SLC14A2: variants seen among roughly 807,000 people sequenced by gnomAD.
SLC14A2 encodes the protein urea transporter 2.
SLC14A2 carries 91 observed loss-of-function variants against 104.6 expected under a neutral mutation model. The observed-to-expected ratio is 0.87, with a 90% CI of 0.73 to 1.04. The LOEUF (loss-of-function observed/expected upper bound fraction) is 1.04, where lower values mean the gene tolerates loss of function less well. Among genes scored for constraint, SLC14A2 ranks in the 50% least tolerant of loss-of-function variants. The pLI is 0.00. For missense variants in SLC14A2, 1,189 were observed against 1,156.0 expected (o/e 1.03, Z -0.41); for synonymous variants, 476 against 466.4 (o/e 1.02, Z -0.27).
At chr18:45,445,275 C>T (rs1349203288) in intron 1 of SLC14A2, among the ~76,000 whole-genome samples, 2 of 151,966 alleles carry the variant, frequency 1.3e-5, no homozygotes, top group Admixed American at 1.3e-4. Context: ...CCATGCCTGG[C>T]TAATTTTTAT....
chr18:45,184,361 A>C, the SLC14A2 span, among the ~76,000 whole-genome samples: 1 of 152,314 alleles, frequency 6.6e-6, no homozygotes, highest in Non-Finnish European at 1.5e-5. Flanking sequence ...CAGTCAAAAT[A>C]CTCTTGCTCT....
intron 2 of SLC14A2, among the ~76,000 whole-genome samples, chr18:45,513,557 A>G (rs936447222): frequency 6.6e-6 from 1 of 152,212 alleles, no homozygotes; most frequent in Non-Finnish European, 1.5e-5. Flanking sequence ...TGTAATCAGA[A>G]GTTGACTATG....
upstream of SLC14A2, among the ~76,000 whole-genome samples, chr18:45,614,299 A>G (rs923736394): frequency 3.9e-5 from 6 of 152,218 alleles, no homozygotes; most frequent in Non-Finnish European, 8.8e-5. Flanking sequence ...TGTCCAGGCA[A>G]AAGTTTGCTG....
intron 1 of SLC14A2, among the ~76,000 whole-genome samples, chr18:45,461,122 A>G (rs1259583292): frequency 6.6e-6 from 1 of 151,794 alleles, no homozygotes; most frequent in East Asian, 1.9e-4. Flanking sequence ...ATTTGCCCCT[A>G]TTTTCTATTT....
chr18:45,440,390 A>G (rs1280148701), intron 1 of SLC14A2: 3 of 152,148 alleles, frequency 2.0e-5, no homozygotes, highest in Admixed American at 2.0e-4. Context: ...AAGACCATAG[A>G]GATGAGAAGT....
chr18:45,258,204 C>T (rs1490516425), intron 1 of SLC14A2, among the ~76,000 whole-genome samples: 1 of 144,392 alleles, frequency 6.9e-6, no homozygotes, highest in Admixed American at 6.7e-5. Context: ...GGCTGACTGA[C>T]ACTAAAGCCT....
rs2087565884 is a variant in SLC14A2, at chr18:45,484,726, ACT to A, written c.-35+1405_-35+1406del. On this transcript the variant is annotated intron_variant, in intron 2 of 20. Transcript: ENST00000586448. ...AAGATACTAGCTTTCAAACTAACTC[ACT>A]GTCTCTCTCTCTCTCTCTGCTTTAG... is the stretch of plus-strand genomic sequence containing the variant. Among the ~76,000 whole-genome samples the A allele has an allele frequency of 4.6e-5, 7 of 151,936 alleles. No individual in the cohort carries two copies. The South Asian group carries it at 1.5e-3, about 32-fold the overall frequency.
chr18:45,429,233 C>A (rs907162033), intron 1 of SLC14A2, among the ~76,000 whole-genome samples: 11 of 152,274 alleles, frequency 7.2e-5, no homozygotes, highest in Middle Eastern at 3.4e-3. Context: ...TGTTTTCATT[C>A]TTTGCAGAAA....
chr18:45,429,514 T>A (rs2086482204), intron 1 of SLC14A2, among the ~76,000 whole-genome samples: 1 of 152,162 alleles, frequency 6.6e-6, no homozygotes, highest in Non-Finnish European at 1.5e-5. Context: ...GAGGAAGAAA[T>A]CTAGCCCATC....
At chr18:45,511,145 C>T (rs371596286) in intron 2 of SLC14A2, among the ~76,000 whole-genome samples, 3 of 152,064 alleles carry the variant, frequency 2.0e-5, no homozygotes, top group African/African-American at 4.8e-5. Flanking sequence ...TTATCTGGCC[C>T]AGACATCTTT....
At chr18:45,648,298 C>T (rs547585046) in intron 10 of SLC14A2, among the ~76,000 whole-genome samples, 19 of 150,264 alleles carry the variant, frequency 1.3e-4, no homozygotes, top group Non-Finnish European at 2.7e-4. Flanking sequence ...CTCCGCCTCC[C>T]GGGTTCACGC....
At chr18:45,459,704 C>T (rs1217478722) in intron 1 of SLC14A2, among the ~76,000 whole-genome samples, 1 of 152,212 alleles carries the variant, frequency 6.6e-6, no homozygotes, top group East Asian at 1.9e-4. Flanking sequence ...CCTGGCCTGA[C>T]ATTCAGAGAC....
chr18:45,441,623 G>A (rs1161111644), intron 1 of SLC14A2, among the ~76,000 whole-genome samples: 1 of 152,192 alleles, frequency 6.6e-6, no homozygotes, highest in African/African-American at 2.4e-5. Flanking sequence ...ACACGTGCAC[G>A]CATGCCCATA....
At chr18:45,581,003 G>A (rs1456221289) in intron 2 of SLC14A2, among the ~76,000 whole-genome samples, 4 of 152,166 alleles carry the variant, frequency 2.6e-5, no homozygotes, top group African/African-American at 7.2e-5. Flanking sequence ...AAGGAAGAAA[G>A]GCCTTGAGAG....
At chr18:45,385,622 C>T (rs909830586) in intron 1 of SLC14A2, among the ~76,000 whole-genome samples, 7 of 152,126 alleles carry the variant, frequency 4.6e-5, no homozygotes, top group Non-Finnish European at 1.0e-4. Flanking sequence ...CATTATAGTA[C>T]ATGGTTGCCA....
chr18:45,527,844 A>G (rs372177064), intron 2 of SLC14A2: 1 of 152,164 alleles, frequency 6.6e-6, no homozygotes, highest in African/African-American at 2.4e-5. Context: ...ACTATGCACA[A>G]TTTCTCTCCT....
intron 2 of SLC14A2, among the ~76,000 whole-genome samples, chr18:45,533,848 G>T (rs1001782696): frequency 6.6e-6 from 1 of 152,084 alleles, no homozygotes; most frequent in Non-Finnish European, 1.5e-5. Flanking sequence ...TGCTATAAAT[G>T]TCCCTCTACA....
At chr18:45,285,668 C>T (rs895284953) in intron 1 of SLC14A2, among the ~76,000 whole-genome samples, 1 of 96,278 alleles carries the variant, frequency 1.0e-5, no homozygotes, top group South Asian at 3.6e-4. Context: ...TCTGCCCCCC[C>T]CCCCCCTCGG....
chr18:45,298,576 C>T (rs2084938626), intron 1 of SLC14A2, among the ~76,000 whole-genome samples: 1 of 152,198 alleles, frequency 6.6e-6, no homozygotes, highest in African/African-American at 2.4e-5. Flanking sequence ...TTTCCTGCCT[C>T]CTGTTTAGAT....
Sources: allele counts gnomAD v4.1 joint callset (sites outside exome capture counted in the v4.1 genomes callset), GRCh38; gene constraint gnomAD v4.1.1; transcripts MANE v1.5; gene names NCBI Gene and HGNC (gene_info 2026-07-23, HGNC 2026-07-21).